The following ADK variants were observed in gnomAD, a reference collection of about 807,000 sequenced individuals.
The protein encoded by ADK is N6,N6-dimethyladenosine kinase.
ADK carries 24 observed loss-of-function variants against 44.7 expected under a neutral mutation model. That is an observed-to-expected ratio of 0.54 (90% CI 0.39 to 0.76). The LOEUF is 0.76. Ranked by LOEUF, ADK falls within the 30% of genes least tolerant of loss-of-function variation. The probability of loss-of-function intolerance (pLI) is 0.00; values close to 1 mark genes in which losing one functional copy is unlikely to be tolerated. For missense variants in ADK, 321 were observed against 425.1 expected, an observed-to-expected ratio of 0.76 and a Z score of 2.15; for synonymous variants, 128 against 142.6, an observed-to-expected ratio of 0.90 and a Z score of 0.73.
intron 2 of ADK, among the ~76,000 whole-genome samples, chr10:74,212,106 A>G (rs1843835791): frequency 1.3e-5 from 2 of 152,208 alleles, no homozygotes; most frequent in Non-Finnish European, 1.5e-5. Context: ...ATATTGAGTG[A>G]TTGGTCCTGA....
chr10:74,674,617 C>T (rs1466416565), intron 10 of ADK, among the ~76,000 whole-genome samples: 3 of 152,166 alleles, frequency 2.0e-5, no homozygotes, highest in Non-Finnish European at 2.9e-5. Flanking sequence ...TGTGGTGGCT[C>T]ATGCCTGTAA....
intron 3 of ADK, 84 bp from the exon 4 acceptor site, chr10:74,314,583 T>C: frequency 1.2e-6 from 1 of 831,980 alleles, no homozygotes; most frequent in Non-Finnish European, 2.0e-6. Context: ...TATTTGTGTT[T>C]TAATACTCTT....
chr10:74,320,062 T>C (rs1840757920), intron 4 of ADK, among the ~76,000 whole-genome samples: 1 of 152,310 alleles, frequency 6.6e-6, no homozygotes, highest in South Asian at 2.1e-4. Flanking sequence ...CCAGAGTTCT[T>C]TACTTCTTCA....
At chr10:74,299,430 G>A (rs1438669200) in intron 3 of ADK, among the ~76,000 whole-genome samples, 1 of 149,398 alleles carries the variant, frequency 6.7e-6, no homozygotes, top group Non-Finnish European at 1.5e-5. Context: ...AACCTGGGAG[G>A]TGGAGGATAC....
At chr10:74,247,208 ATTTT>A (rs1213270324) in intron 3 of ADK, among the ~76,000 whole-genome samples, 1 of 59,350 alleles carries the variant, frequency 1.7e-5, no homozygotes, top group Non-Finnish European at 4.0e-5. Context: ...GCTTTTTTTG[ATTTT>A]TTTTTTTTTA....
chr10:74,652,705 A>C (rs1288171959), intron 9 of ADK, among the ~76,000 whole-genome samples: 2 of 151,838 alleles, frequency 1.3e-5, no homozygotes. Flanking sequence ...GGTTGCAGTG[A>C]ACTGAGATCG....
At chr10:74,217,556 C>A (rs1186356971) in intron 2 of ADK, among the ~76,000 whole-genome samples, 2 of 152,202 alleles carry the variant, frequency 1.3e-5, no homozygotes, top group African/African-American at 4.8e-5. Context: ...TGAGAACGGG[C>A]AGACTGCCTC....
At chr10:74,266,635 T>C (rs760780062) in intron 3 of ADK, among the ~76,000 whole-genome samples, 1 of 152,118 alleles carries the variant, frequency 6.6e-6, no homozygotes, top group Non-Finnish European at 1.5e-5. Flanking sequence ...GTATAACCCA[T>C]AGTATATTAT....
intron 9 of ADK, among the ~76,000 whole-genome samples, chr10:74,630,898 T>C (rs1853388747): frequency 1.4e-5 from 2 of 143,490 alleles, no homozygotes; most frequent in South Asian, 2.1e-4. Context: ...AGCTTTCCCC[T>C]TTTTTTGTTT....
At chr10:74,186,011 C>G (rs1842747099) in intron 1 of ADK, among the ~76,000 whole-genome samples, 3 of 151,780 alleles carry the variant, frequency 2.0e-5, no homozygotes, top group Admixed American at 1.3e-4. Flanking sequence ...CCGTGCCAGG[C>G]TAATTTTTGT....
intron 7 of ADK, among the ~76,000 whole-genome samples, chr10:74,565,741 A>C (rs901611594): frequency 4.0e-5 from 6 of 151,490 alleles, no homozygotes; most frequent in African/African-American, 1.5e-4. Context: ...AAAAAAAAAA[A>C]AAAAAAAACC....
intron 6 of ADK, among the ~76,000 whole-genome samples, chr10:74,427,849 T>C (rs1844855360): frequency 1.3e-5 from 2 of 152,176 alleles, no homozygotes; most frequent in African/African-American, 4.8e-5. Context: ...TATTTCCCAC[T>C]GTTAGTTTCC....
At chr10:74,466,941 T>A (rs1216117141) in intron 6 of ADK, among the ~76,000 whole-genome samples, 1 of 152,138 alleles carries the variant, frequency 6.6e-6, no homozygotes, top group Non-Finnish European at 1.5e-5. Flanking sequence ...AAATTGCAGA[T>A]CTTTCCAAGA....
intron 6 of ADK, among the ~76,000 whole-genome samples, chr10:74,471,538 A>G (rs545136442): frequency 6.6e-6 from 1 of 152,272 alleles, no homozygotes; most frequent in East Asian, 1.9e-4. Context: ...ATCTGCAAAA[A>G]AATGTCATTG....
At chr10:74,158,137 C>T (rs941781270) in intron 1 of ADK, among the ~76,000 whole-genome samples, 2 of 152,038 alleles carry the variant, frequency 1.3e-5, no homozygotes, top group Non-Finnish European at 2.9e-5. Flanking sequence ...AATTTAGACA[C>T]TCCAAATTTA....
chr10:74,636,132 T>C (rs187894528), intron 9 of ADK, among the ~76,000 whole-genome samples: 353 of 152,180 alleles, frequency 2.3e-3, no homozygotes, highest in African/African-American at 8.2e-3. Flanking sequence ...AGATAATTAT[T>C]TTTTTAATTA....
chr10:74,517,189 G>A (rs1230073180), intron 6 of ADK, among the ~76,000 whole-genome samples: 1 of 152,040 alleles, frequency 6.6e-6, no homozygotes, highest in East Asian at 1.9e-4. Flanking sequence ...TTTTCCCCTA[G>A]AAATAGACTT....
intron 6 of ADK, among the ~76,000 whole-genome samples, chr10:74,422,791 G>T (rs1844607716): frequency 6.6e-6 from 1 of 152,138 alleles, no homozygotes. Context: ...TCATCATTGT[G>T]ATTTAGTCAG....
chr10:74,388,812 G>A (rs1262889530), intron 4 of ADK, among the ~76,000 whole-genome samples: 1 of 121,886 alleles, frequency 8.2e-6, no homozygotes, highest in Admixed American at 8.5e-5. Flanking sequence ...TCTAGCCATA[G>A]CCTCAAGGGT....
Sources: gnomAD v4.1 joint callset for allele counts (sites outside exome capture counted in the v4.1 genomes callset) on GRCh38, gnomAD v4.1.1 for gene constraint, MANE v1.5 for transcripts, NCBI Gene and HGNC (gene_info 2026-07-23, HGNC 2026-07-21) for gene names.